Variants in TTC9 observed in about 807,000 individuals in gnomAD.
The protein encoded by TTC9 is tetratricopeptide repeat domain 9.
Under a neutral mutation model 22.9 loss-of-function variants are expected in TTC9, and 13 were observed. The observed-to-expected ratio is 0.57, with a 90% CI of 0.37 to 0.90. The LOEUF is 0.90. Ranked by LOEUF, TTC9 falls within the 40% of genes least tolerant of loss-of-function variation. TTC9 has a pLI of 0.01. For synonymous variants in TTC9, 148 were observed against 133.2 expected, an observed-to-expected ratio of 1.11 and a Z score of -0.77; for missense variants, 280 against 291.8, an observed-to-expected ratio of 0.96 and a Z score of 0.29.
At chr14:70,645,325 C>A (rs1295386777) in intron 1 of TTC9, among the ~76,000 whole-genome samples, 25 of 152,100 alleles carry the variant, frequency 1.6e-4, no homozygotes, top group Admixed American at 9.8e-4. Context: ...GAAGAAAATA[C>A]ACAATTACCT....
Position 70,642,539 on chromosome 14 carries a change from A to AGCCGC in TTC9, c.406+13_406+17dup, listed in dbSNP as rs1168867729. On this transcript the variant is annotated splice_donor_region_variant and intron_variant, in intron 1 of 2. Transcript: ENST00000256367. ...GACTGTTACAACAGCCTGGCAGGTG[A>AGCCGC]GCCGCGCCGCGCCCCCCGCGCCGCG... The AGCCGC allele has an allele frequency of 1.6e-5, 24 of 1,513,954 alleles. No individual in the cohort carries two copies. The highest frequency in any genetic ancestry group is 2.0e-5 in the Non-Finnish European group (22 of 1,124,030). 93.8% of individuals were successfully genotyped at this position (1,513,954 alleles called of 1,614,324 possible).
At chr14:70,663,471 AATC>A (rs1886171621) in intron 1 of TTC9, among the ~76,000 whole-genome samples, 1 of 152,230 alleles carries the variant, frequency 6.6e-6, no homozygotes, top group Admixed American at 6.5e-5. Context: ...TGTAACAAAA[AATC>A]ATCTAGTCCA....
chr14:70,645,856 G>A (rs575953772), intron 1 of TTC9, among the ~76,000 whole-genome samples: 2 of 152,240 alleles, frequency 1.3e-5, no homozygotes, highest in Admixed American at 6.5e-5. Flanking sequence ...TTAGGAGGAA[G>A]TTGGACTACT....
intron 1 of TTC9, among the ~76,000 whole-genome samples, chr14:70,666,422 C>T (rs1157036481): frequency 3.3e-5 from 5 of 152,202 alleles, no homozygotes; most frequent in Admixed American, 2.6e-4. Flanking sequence ...AAAGCCCCCT[C>T]TCTCAGGAAC....
At chr14:70,651,729 T>A (rs932404414) in intron 1 of TTC9, among the ~76,000 whole-genome samples, 1 of 152,168 alleles carries the variant, frequency 6.6e-6, no homozygotes, top group Non-Finnish European at 1.5e-5. Context: ...ACTTGTGATG[T>A]AAACTGGTTC....
chr14:70,660,529 A>G (rs1057202254), intron 1 of TTC9, among the ~76,000 whole-genome samples: 20 of 152,292 alleles, frequency 1.3e-4, no homozygotes, highest in African/African-American at 4.3e-4. Flanking sequence ...GAAGCATGTA[A>G]TGTGCATTAA....
chr14:70,654,447 C>T (rs7350722), intron 1 of TTC9, among the ~76,000 whole-genome samples: 22,645 of 151,180 alleles, frequency 0.15, 1,862 homozygotes, highest in Non-Finnish European at 0.19. Context: ...AAAAATTAGC[C>T]GGGCGTGGCG....
intron 1 of TTC9, among the ~76,000 whole-genome samples, chr14:70,643,355 A>C (rs988166272): frequency 7.2e-5 from 11 of 152,222 alleles, no homozygotes; most frequent in Non-Finnish European, 1.6e-4. Flanking sequence ...AGGGATTTAA[A>C]AATTGTTTAA....
chr14:70,667,506 A>T, intron 1 of TTC9, 58 bp from the exon 2 acceptor site: 1 of 1,593,844 alleles, frequency 6.3e-7, no homozygotes, highest in Non-Finnish European at 8.6e-7. Context: ...AACTCAAGGG[A>T]AACATGCAGA....
chr14:70,658,579 T>C (rs377712354), intron 1 of TTC9, among the ~76,000 whole-genome samples: 1 of 152,136 alleles, frequency 6.6e-6, no homozygotes. Flanking sequence ...ATTTAAAAAA[T>C]AATAATTTCT....
chr14:70,642,186 C>G lies in TTC9; in HGVS notation c.57C>G (p.Ala19=). ...AGGGGAACCCGAGCCCGCCCGCGGC[C>G]GGAGAGGGGCAGCGGCCACCGCCGC... The part of the protein sequence containing the change: ...GAKGNPSPPA[A]GEGQRPPPPL... Residue 19 remains alanine, a synonymous_variant, in exon 1 of 3, where the codon GCC becomes GCG. Coordinates refer to ENST00000256367, the MANE Select transcript of TTC9 (RefSeq NM_015351.2). 1 of 1,217,732 alleles carries G rather than the reference C, an allele frequency of 8.2e-7. No homozygotes were observed. Among genetic ancestry groups the G allele is most frequent in the Non-Finnish European group, 1.0e-6 (1 of 972,638 alleles). 75.4% of individuals were successfully genotyped at this position (1,217,732 alleles called of 1,614,324 possible). A position where few individuals can be genotyped will look rare whatever the true frequency, so the allele number is the denominator to read the frequency against.
chr14:70,667,005 C>G (rs1886224928), intron 1 of TTC9, among the ~76,000 whole-genome samples: 1 of 152,120 alleles, frequency 6.6e-6, no homozygotes, highest in South Asian at 2.1e-4. Flanking sequence ...AGTCCAAGAT[C>G]CAGGTGCTGG....
At chr14:70,659,364 A>T (rs910916276) in intron 1 of TTC9, among the ~76,000 whole-genome samples, 1 of 152,202 alleles carries the variant, frequency 6.6e-6, no homozygotes, top group Admixed American at 6.5e-5. Context: ...AGTTTCAAGT[A>T]AAAAATAATA....
At chr14:70,652,819 A>G (rs1194177863) in intron 1 of TTC9, among the ~76,000 whole-genome samples, 1 of 152,244 alleles carries the variant, frequency 6.6e-6, no homozygotes, top group African/African-American at 2.4e-5. Context: ...TGGAGACCAC[A>G]GGACCATTGG....
intron 1 of TTC9, among the ~76,000 whole-genome samples, chr14:70,667,338 T>G (rs1478153904): frequency 6.6e-6 from 1 of 152,202 alleles, no homozygotes; most frequent in Non-Finnish European, 1.5e-5. Context: ...TGGGCATAAT[T>G]CAACCCATAA....
chr14:70,651,010 C>A (rs1288386360), intron 1 of TTC9, among the ~76,000 whole-genome samples: 1 of 151,530 alleles, frequency 6.6e-6, no homozygotes. Context: ...GACATAGTCT[C>A]ATTCTGTCAC....
In TTC9 at chr14:70,642,089, G is replaced by GCGGCGC; in HGVS notation, c.-41_-40insCGGCGC. On this transcript the variant is annotated 5_prime_UTR_variant, in exon 1 of 3. Transcript: ENST00000256367. Reference sequence around the variant, plus strand: ...AGGCGCGGCGGCGGCGGCGGCGGCGGGCAGATCGCGGCGCGCACCAGGCGC... The same window carrying GCGGCGC: ...AGGCGCGGCGGCGGCGGCGGCGGCGGCGGCGCGCAGATCGCGGCGCGCACCAGGCGC... 1 of 1,050,384 alleles carries GCGGCGC rather than the reference G, an allele frequency of 9.5e-7. No homozygotes were observed. Among genetic ancestry groups the GCGGCGC allele is most frequent in the Non-Finnish European group, 1.1e-6 (1 of 873,822 alleles). The allele number at this position is 1,050,384 out of a possible 1,614,324, so 65.1% of individuals were successfully genotyped here.
At position 70,671,831 on chromosome 14, in the gene TTC9, T is replaced by TA. The variant is rs1566703774; in HGVS notation, c.*677dup. 6.6e-6 allele frequency: 1 copy of TA among 152,094 alleles called. No homozygotes were observed. The highest frequency in any genetic ancestry group is 1.5e-5 in the Non-Finnish European group (1 of 68,244). 9.4% of individuals were successfully genotyped at this position (152,094 alleles called of 1,614,324 possible). On this transcript the variant is annotated 3_prime_UTR_variant, in exon 3 of 3. Coordinates refer to ENST00000256367, the MANE Select transcript of TTC9 (RefSeq NM_015351.2). ...CTCAGTGCCCTCTGGTGACCACACA[T>TA]ACCATTCCCCCGGACTCCCACCCAG...
chr14:70,663,255 G>A (rs1360738916), intron 1 of TTC9, among the ~76,000 whole-genome samples: 2 of 151,992 alleles, frequency 1.3e-5, no homozygotes, highest in Non-Finnish European at 2.9e-5. Context: ...TTCCCCTCTC[G>A]CTCCCTCTCT....
Sources: allele counts gnomAD v4.1 joint callset (sites outside exome capture counted in the v4.1 genomes callset), GRCh38; gene constraint gnomAD v4.1.1; transcripts MANE v1.5; gene names NCBI Gene and HGNC (gene_info 2026-07-23, HGNC 2026-07-21).